GLI2: variants seen among roughly 807,000 people sequenced by gnomAD.
GLI2 encodes transcription activator GLI2.
In GLI2, 22 loss-of-function variants were observed where a neutral mutation model predicts 78.9. The observed-to-expected ratio is 0.28, with a 90% CI of 0.20 to 0.40. The LOEUF (loss-of-function observed/expected upper bound fraction) is 0.40. GLI2 is among the 10% of genes least tolerant of loss of function. GLI2 has a pLI of 1.00. For synonymous variants in GLI2, 974 were observed against 963.7 expected, an observed-to-expected ratio of 1.01 and a Z score of -0.20; for missense variants, 2,097 against 2,213.2, an observed-to-expected ratio of 0.95 and a Z score of 1.05.
At chr2:120,975,382 C>A (rs1408925544) in intron 9 of GLI2, among the ~76,000 whole-genome samples, 1 of 152,048 alleles carries the variant, frequency 6.6e-6, no homozygotes, top group Non-Finnish European at 1.5e-5. Flanking sequence ...AAAGTGAAAC[C>A]AGGAATAGAG....
At chr2:120,967,411 G>A (rs1681910693) in intron 5 of GLI2, among the ~76,000 whole-genome samples, 1 of 152,234 alleles carries the variant, frequency 6.6e-6, no homozygotes, top group Non-Finnish European at 1.5e-5. Context: ...GGCTTGTGGA[G>A]AGTCATCCAG....
At chr2:120,759,334 G>A (rs545021934) in intron 1 of GLI2, among the ~76,000 whole-genome samples, 83 of 152,140 alleles carry the variant, frequency 5.5e-4, no homozygotes, top group African/African-American at 1.1e-3. Context: ...CCACAAGACC[G>A]CCCCACATCT....
chr2:120,753,296 A>G (rs1042140821), intron 1 of GLI2, among the ~76,000 whole-genome samples: 4 of 152,032 alleles, frequency 2.6e-5, no homozygotes, highest in Admixed American at 6.6e-5. Flanking sequence ...GGGTTTCGCC[A>G]TGTTGGCCAG....
intron 2 of GLI2, among the ~76,000 whole-genome samples, chr2:120,832,587 CT>C (rs1686417493): frequency 6.6e-6 from 1 of 152,228 alleles, no homozygotes; most frequent in Admixed American, 6.5e-5. Flanking sequence ...CAGCCCAGGG[CT>C]GAGCAGACCT....
chr2:120,909,488 C>T (rs1463113440), intron 2 of GLI2, among the ~76,000 whole-genome samples: 7 of 152,160 alleles, frequency 4.6e-5, no homozygotes, highest in Non-Finnish European at 8.8e-5. Context: ...GACTTCATGG[C>T]CCCAGACCTG....
At chr2:120,815,266 G>A (rs188299150) in intron 2 of GLI2, among the ~76,000 whole-genome samples, 3 of 152,214 alleles carry the variant, frequency 2.0e-5, no homozygotes, top group South Asian at 2.1e-4. Context: ...AGTCTTTATC[G>A]GGAAGTGTTT....
intron 2 of GLI2, among the ~76,000 whole-genome samples, chr2:120,813,768 T>C (rs1257359702): frequency 2.0e-5 from 3 of 152,180 alleles, no homozygotes; most frequent in Non-Finnish European, 4.4e-5. Context: ...AGTGGGCTAC[T>C]TTGTCCTGAG....
intron 2 of GLI2, among the ~76,000 whole-genome samples, chr2:120,836,790 T>C (rs1686633169): frequency 6.6e-6 from 1 of 152,190 alleles, no homozygotes; most frequent in Non-Finnish European, 1.5e-5. Context: ...CCAAGCCCAG[T>C]GGAAGGGTAG....
intron 1 of GLI2, among the ~76,000 whole-genome samples, chr2:120,736,882 CT>C (rs1208862216): frequency 3.3e-5 from 5 of 150,272 alleles, no homozygotes; most frequent in Non-Finnish European, 7.4e-5. Context: ...TCGGCCCCCC[CT>C]CTTTGCCTCT....
At chr2:120,814,104 A>G (rs1006931544) in intron 2 of GLI2, among the ~76,000 whole-genome samples, 3 of 151,824 alleles carry the variant, frequency 2.0e-5, no homozygotes, top group South Asian at 4.2e-4. Context: ...CTAAACACCA[A>G]TTGCTGGCAG....
intron 2 of GLI2, among the ~76,000 whole-genome samples, chr2:120,860,633 G>A (rs1354700874): frequency 5.9e-5 from 9 of 152,206 alleles, no homozygotes; most frequent in Non-Finnish European, 1.3e-4. Flanking sequence ...TTCAGGCAAC[G>A]GTTCTGGTGG....
rs758984235 is a variant in GLI2 at position 120,989,219 on chromosome 2, C to G, written c.3254C>G (p.Pro1085Arg). Residue 1085 changes from proline to arginine, a missense_variant, in exon 14 of 14, where the codon CCG becomes CGG. By Grantham distance (103) the Pro-to-Arg change is moderately radical (BLOSUM62 -2). Around this residue, in one of 5 missense-constraint regions of GLI2, gnomAD observed 1,290 missense variants for 1,261.7 expected, o/e 1.02. Coordinates refer to ENST00000361492, the MANE Select transcript of GLI2 (RefSeq NM_001374353.1). ...TCTGACAACCCCAGACTACCCAGCC[C>G]GGGGCTGCACGGCCAGCGCAGGATG... ...GFSDNPRLPSPGLHGQRRMVA... is the reference protein window; with the variant it reads ...GFSDNPRLPSRGLHGQRRMVA... 3.7e-5 allele frequency: 59 copies of G among 1,613,060 alleles called. No homozygotes were observed. Among genetic ancestry groups the G allele is most frequent in the Non-Finnish European group, 4.8e-5 (57 of 1,180,022 alleles).
chr2:120,843,662 T>C (rs1307284695), intron 2 of GLI2, among the ~76,000 whole-genome samples: 3 of 151,898 alleles, frequency 2.0e-5, no homozygotes, highest in Non-Finnish European at 4.4e-5. Context: ...AGGAGTGTGG[T>C]TTATTTTTGT....
chr2:120,912,656 G>A (rs912644208), intron 2 of GLI2, among the ~76,000 whole-genome samples: 2 of 152,192 alleles, frequency 1.3e-5, no homozygotes, highest in Admixed American at 1.3e-4. Context: ...AGTGTAACAC[G>A]GCTTGCCCGG....
chr2:120,737,409 G>T lies in GLI2; in HGVS notation c.-31+1124G>T, dbSNP rs981849655. On this transcript the variant is annotated intron_variant, in intron 1 of 13. Coordinates refer to ENST00000361492, the MANE Select transcript of GLI2 (RefSeq NM_001374353.1). This position sits in a 1 kb window ranked among gnomAD's most constrained non-coding sequence, Gnocchi z 4.3. The stretch of plus-strand genomic sequence containing the variant: ...GGTCGCTGAGGCTCTCGGGGACCTC[G>T]AGCCCCCCCGAGGGTGCCTCTTTCC... Among the ~76,000 whole-genome samples the T allele has an allele frequency of 2.6e-5, 4 of 152,164 alleles. No homozygotes were observed. Among genetic ancestry groups the T allele is most frequent in the African/African-American group, 9.7e-5 (4 of 41,448 alleles).
At chr2:120,831,982 C>G (rs1356610657) in intron 2 of GLI2, among the ~76,000 whole-genome samples, 2 of 152,216 alleles carry the variant, frequency 1.3e-5, no homozygotes, top group African/African-American at 4.8e-5. Context: ...CATCGCTTCC[C>G]ATATGGGGCA....
At position 120,819,414 on chromosome 2, in the gene GLI2, ATT is replaced by A. The variant is rs201252617; in HGVS notation, c.148+21950_148+21951del. 1.2e-3 allele frequency among the ~76,000 whole-genome samples: 180 copies of A among 151,864 alleles called. 2 individuals are homozygous for A. In the East Asian group the frequency reaches 0.031, roughly 27 times the overall value. On this transcript the variant is annotated intron_variant, in intron 2 of 13. Coordinates refer to ENST00000361492, the MANE Select transcript of GLI2 (RefSeq NM_001374353.1). ...GCCACCATGCCTGGCTATTTTTAAT[ATT>A]TTTAGTAGAGACGGGGTTTTGCCAT... is the stretch of plus-strand genomic sequence containing the variant.
At chr2:120,772,617 C>G (rs921236410) in intron 1 of GLI2, among the ~76,000 whole-genome samples, 1 of 152,260 alleles carries the variant, frequency 6.6e-6, no homozygotes, top group African/African-American at 2.4e-5. Context: ...GGTCTGCCTG[C>G]CTGACCCTTG....
At chr2:120,867,994 C>T (rs962169398) in intron 2 of GLI2, among the ~76,000 whole-genome samples, 5 of 152,200 alleles carry the variant, frequency 3.3e-5, no homozygotes, top group African/African-American at 1.2e-4. Context: ...AAGATTCACA[C>T]TGTCAGCCGT....
Sources: gnomAD v4.1 joint callset for allele counts (sites outside exome capture counted in the v4.1 genomes callset) on GRCh38, gnomAD v4.1.1 for gene constraint, gnomAD v4.1.1 regional missense constraint, Gnocchi (gnomAD v3.1) non-coding constraint, MANE v1.5 for transcripts, NCBI Gene and HGNC (gene_info 2026-07-23, HGNC 2026-07-21) for gene names.